TNFSF4: variants seen among roughly 807,000 people sequenced by gnomAD.
TNFSF4 encodes the protein TNF superfamily member 4, also known as tumor necrosis factor ligand superfamily member 4.
TNFSF4 carries 4 observed loss-of-function variants against 7.3 expected under a neutral mutation model. That is an observed-to-expected ratio of 0.55 (90% CI 0.27 to 1.25). TNFSF4 has a LOEUF of 1.25. TNFSF4 is among the 50% of genes most tolerant of loss of function. TNFSF4 has a pLI of 0.12. For missense variants in TNFSF4, 181 were observed against 208.8 expected (o/e 0.87, Z 0.82); for synonymous variants, 76 against 83.7 (o/e 0.91, Z 0.50).
chr1:173,223,744 AGT>A, the TNFSF4 span, among the ~76,000 whole-genome samples: 1 of 152,148 alleles, frequency 6.6e-6, no homozygotes, highest in Non-Finnish European at 1.5e-5. Flanking sequence ...CCAGAAAAAG[AGT>A]GTATTGTTTT....
chr1:173,394,375 C>T, the TNFSF4 span, among the ~76,000 whole-genome samples: 1 of 152,158 alleles, frequency 6.6e-6, no homozygotes, highest in Non-Finnish European at 1.5e-5. Context: ...TCTTGCTAAT[C>T]AAGCTGGCCT....
At chr1:173,444,430 T>C in the TNFSF4 span, among the ~76,000 whole-genome samples, 1 of 152,200 alleles carries the variant, frequency 6.6e-6, no homozygotes, top group Non-Finnish European at 1.5e-5. Context: ...AATGTTCTAA[T>C]ATAAATTTTA....
chr1:173,439,657 T>C, the TNFSF4 span, among the ~76,000 whole-genome samples: 1 of 152,130 alleles, frequency 6.6e-6, no homozygotes, highest in Non-Finnish European at 1.5e-5. Context: ...TAACACCAAG[T>C]ATTGCTATAG....
the TNFSF4 span, chr1:173,351,915 C>T: frequency 1.5e-5 from 8 of 549,640 alleles, no homozygotes; most frequent in East Asian, 1.5e-4. Context: ...GGACAAAGAC[C>T]GCAAAAAGAT....
chr1:173,291,247 A>G, the TNFSF4 span, among the ~76,000 whole-genome samples: 1 of 152,096 alleles, frequency 6.6e-6, no homozygotes, highest in African/African-American at 2.4e-5. Context: ...CTTTGAAACA[A>G]CCAGATCTCA....
the TNFSF4 span, among the ~76,000 whole-genome samples, chr1:173,318,736 T>C: frequency 2.0e-5 from 3 of 152,150 alleles, no homozygotes; most frequent in Non-Finnish European, 4.4e-5. Flanking sequence ...ATCAAAAGAC[T>C]TAAAAATGTT....
the TNFSF4 span, among the ~76,000 whole-genome samples, chr1:173,361,443 AC>A: frequency 2.0e-5 from 3 of 152,106 alleles, no homozygotes; most frequent in Non-Finnish European, 2.9e-5. Context: ...TACTAAAAAT[AC>A]AAAAATTAGC....
chr1:173,407,560 A>G, the TNFSF4 span, among the ~76,000 whole-genome samples: 2 of 8,004 alleles, frequency 2.5e-4, no homozygotes, highest in Non-Finnish European at 6.6e-4. Flanking sequence ...ACTCTGCCTC[A>G]AAAAAAAAAA....
the TNFSF4 span, among the ~76,000 whole-genome samples, chr1:173,306,371 G>T: frequency 6.6e-6 from 1 of 151,888 alleles, no homozygotes; most frequent in Non-Finnish European, 1.5e-5. Flanking sequence ...TTAATCTCTA[G>T]CTCTTATTCC....
At chr1:173,274,433 A>G in the TNFSF4 span, among the ~76,000 whole-genome samples, 1 of 152,126 alleles carries the variant, frequency 6.6e-6, no homozygotes, top group African/African-American at 2.4e-5. Context: ...ATCAAAATGT[A>G]TATGGATGTA....
the TNFSF4 span, among the ~76,000 whole-genome samples, chr1:173,288,596 T>C: frequency 4.6e-5 from 7 of 152,136 alleles, no homozygotes; most frequent in African/African-American, 1.7e-4. Context: ...GTTTGTAAGA[T>C]AGCAATAAGT....
chr1:173,331,809 C>A, the TNFSF4 span, among the ~76,000 whole-genome samples: 12 of 152,178 alleles, frequency 7.9e-5, no homozygotes, highest in South Asian at 2.1e-4. Flanking sequence ...ATTTACAGAG[C>A]TATAATGCCT....
chr1:173,401,102 T>C, the TNFSF4 span, among the ~76,000 whole-genome samples: 1 of 152,184 alleles, frequency 6.6e-6, no homozygotes, highest in Non-Finnish European at 1.5e-5. Context: ...TGTTTAATCG[T>C]AGTATTTAAG....
At chr1:173,428,594 G>A in the TNFSF4 span, among the ~76,000 whole-genome samples, 2 of 152,074 alleles carry the variant, frequency 1.3e-5, no homozygotes, top group Admixed American at 1.3e-4. Context: ...TTTAAATACT[G>A]ACTAGTTTAT....
At chr1:173,307,934 C>T in the TNFSF4 span, among the ~76,000 whole-genome samples, 3 of 151,952 alleles carry the variant, frequency 2.0e-5, no homozygotes, top group East Asian at 5.8e-4. Flanking sequence ...TGATTAGGCT[C>T]ATAATATAGA....
downstream of TNFSF4, among the ~76,000 whole-genome samples, chr1:173,179,390 C>T (rs150987108): frequency 1.4e-4 from 21 of 152,228 alleles, no homozygotes; most frequent in Non-Finnish European, 2.5e-4. Flanking sequence ...AAATCTCATG[C>T]GAACTTTGCC....
the TNFSF4 span, among the ~76,000 whole-genome samples, chr1:173,369,548 A>G: frequency 8.6e-5 from 13 of 151,530 alleles, no homozygotes; most frequent in Non-Finnish European, 1.3e-4. Context: ...GGGTGGGAGG[A>G]AAAAAAACAG....
the TNFSF4 span, among the ~76,000 whole-genome samples, chr1:173,343,926 T>C: frequency 6.6e-6 from 1 of 152,146 alleles, no homozygotes; most frequent in Non-Finnish European, 1.5e-5. Flanking sequence ...AACAGACAGG[T>C]GTTAGAGACA....
chr1:173,392,190 TG>T, the TNFSF4 span, among the ~76,000 whole-genome samples: 3 of 152,204 alleles, frequency 2.0e-5, no homozygotes, highest in Non-Finnish European at 4.4e-5. Flanking sequence ...GTTAACCCTG[TG>T]GGCCCCAATT....
Sources: gnomAD v4.1 joint callset for allele counts (sites outside exome capture counted in the v4.1 genomes callset) on GRCh38, gnomAD v4.1.1 for gene constraint, MANE v1.5 for transcripts, NCBI Gene and HGNC (gene_info 2026-07-23, HGNC 2026-07-21) for gene names.